WDR75: variants seen among roughly 807,000 people sequenced by gnomAD.
WDR75 encodes WD repeat domain 75.
WDR75 carries 52 observed loss-of-function variants against 106.1 expected under a neutral mutation model. The observed-to-expected ratio is 0.49, with a 90% CI of 0.39 to 0.62. WDR75 has a LOEUF of 0.62. Among genes scored for constraint, WDR75 ranks in the 20% least tolerant of loss-of-function variants. The pLI is 0.00. For synonymous variants in WDR75, 333 were observed against 335.5 expected (o/e 0.99, Z 0.08); for missense variants, 905 against 970.3 (o/e 0.93, Z 0.89).
At chr2:189,472,289 T>G (rs1687132978) in intron 18 of WDR75, among the ~76,000 whole-genome samples, 1 of 152,184 alleles carries the variant, frequency 6.6e-6, no homozygotes, top group South Asian at 2.1e-4. Context: ...AGCTTGTAAT[T>G]TTAAACAGGG....
At chr2:189,475,073 C>A (rs969266099) in intron 20 of WDR75, 140 bp from the exon 21 acceptor site, 4 of 724,350 alleles carry the variant, frequency 5.5e-6, no homozygotes, top group African/African-American at 3.6e-5. Context: ...TTATAAATAA[C>A]CCATAATTTT....
At position 189,466,420 on chromosome 2, in the gene WDR75, G is replaced by C; in HGVS notation, c.1290-5G>C. ...AGAATAAATTTGTGGTTTCCTTCCC[G>C]CTAGGTTTATTCTTAACACTAAAAT... On this transcript the variant is annotated splice_polypyrimidine_tract_variant and splice_region_variant and intron_variant, in intron 12 of 20. Coordinates refer to ENST00000314761, the MANE Select transcript of WDR75 (RefSeq NM_032168.3). 6.2e-7 allele frequency: 1 copy of C among 1,610,836 alleles called. No homozygotes were observed. Among genetic ancestry groups the C allele is most frequent in the Non-Finnish European group, 8.5e-7 (1 of 1,178,456 alleles).
At chr2:189,463,507 C>T (rs972975414) in intron 9 of WDR75, among the ~76,000 whole-genome samples, 187 bp from the exon 10 acceptor site, 1 of 152,004 alleles carries the variant, frequency 6.6e-6, no homozygotes, top group Non-Finnish European at 1.5e-5. Context: ...AAAGAATTGT[C>T]TTGGGCCAGA....
intron 1 of WDR75, among the ~76,000 whole-genome samples, chr2:189,446,422 G>C (rs577210080): frequency 6.6e-6 from 1 of 152,162 alleles, no homozygotes; most frequent in Non-Finnish European, 1.5e-5. Flanking sequence ...TGGAGAAGAG[G>C]CTCCAGCCAA....
rs1383696468 is a variant in WDR75, at chr2:189,450,980, G to A, written c.282+12G>A. The A allele has an allele frequency of 6.3e-7, 1 of 1,589,670 alleles. No homozygotes were observed. The highest frequency in any genetic ancestry group is 2.3e-5 in the East Asian group (1 of 43,768). On this transcript the variant is annotated intron_variant, in intron 3 of 20. Transcript: ENST00000314761. ...GCATCTTAATAAAGGTATGTGGATT[G>A]ATCTTTACTTTTCGTTATGTGAATA...
rs573640027 is a variant in WDR75, at chr2:189,451,881, A to G, written c.359A>G (p.Asn120Ser). 525 of 1,613,004 alleles carry G rather than the reference A, an allele frequency of 3.3e-4. 1 individual carries two copies. In the South Asian group the frequency reaches 5.5e-3, roughly 17 times the overall value. ...QAEDSVFVIV[N>S]KEKPDIFQLV... Reference sequence around the variant, plus strand: ...GAGGATTCTGTCTTTGTTATAGTGAATAAAGAAAAACCAGGTATGGTATAA... The same window carrying G: ...GAGGATTCTGTCTTTGTTATAGTGAGTAAAGAAAAACCAGGTATGGTATAA... Residue 120 changes from asparagine to serine, a missense_variant, in exon 4 of 21, where the codon AAT (asparagine) becomes AGT (serine). Transcript: ENST00000314761.
chr2:189,453,137 A>G (rs1686661181), intron 4 of WDR75, among the ~76,000 whole-genome samples: 1 of 152,234 alleles, frequency 6.6e-6, no homozygotes. Flanking sequence ...GTTCTTAAAA[A>G]TAATTAAGTC....
chr2:189,455,461 T>C lies in WDR75; in HGVS notation c.498+17T>C, dbSNP rs762818546. The C allele has an allele frequency of 6.2e-7, 1 of 1,600,762 alleles. No homozygotes were observed. The highest frequency in any genetic ancestry group is 2.2e-5 in the East Asian group (1 of 44,776). On this transcript the variant is annotated intron_variant, in intron 5 of 20. Coordinates refer to ENST00000314761, the MANE Select transcript of WDR75 (RefSeq NM_032168.3). ...GGAAACGAGGTAAATTTTGTTTTGT[T>C]CGTTTTCTGTTTTGTACCTAAAATT...
At chr2:189,444,627 G>A (rs1280864223) in intron 1 of WDR75, among the ~76,000 whole-genome samples, 1 of 152,102 alleles carries the variant, frequency 6.6e-6, no homozygotes, top group Non-Finnish European at 1.5e-5. Flanking sequence ...TATTGCTGCT[G>A]TAACAATTTT....
At chr2:189,449,990 G>A in intron 2 of WDR75, 1 of 985,302 alleles carries the variant, frequency 1.0e-6, no homozygotes, top group Non-Finnish European at 1.2e-6. Flanking sequence ...ATAAAACTAA[G>A]TACACTGGGA....
At position 189,463,694 on chromosome 2, in the gene WDR75, A is replaced by G; in HGVS notation, c.938A>G (p.Lys313Arg). ...DLFCTSHSDN[K>R]IIIIHRNLEA... ...AATACCTATTTTTTTCTACCCACAG[A>G]GATAATAATTATTCACCGAAACCTT... Residue 313 changes from lysine to arginine, a missense_variant and splice_region_variant, in exon 10 of 21, where the codon AAG becomes AGG. By Grantham distance (26) the Lys-to-Arg change is conservative. Transcript: ENST00000314761. The G allele has an allele frequency of 6.2e-7, 1 of 1,613,772 alleles. No homozygotes were observed. The highest frequency in any genetic ancestry group is 8.5e-7 in the Non-Finnish European group (1 of 1,179,738).
At position 189,448,519 on chromosome 2, in the gene WDR75, G is replaced by T. The variant is rs1314664957; in HGVS notation, c.216+11G>T. The T allele has an allele frequency of 6.2e-7, 1 of 1,611,582 alleles. No individual in the cohort carries two copies. Among genetic ancestry groups the T allele is most frequent in the Non-Finnish European group, 8.5e-7 (1 of 1,179,178 alleles). On this transcript the variant is annotated intron_variant, in intron 2 of 20. Coordinates refer to ENST00000314761, the MANE Select transcript of WDR75 (RefSeq NM_032168.3). ...AACAACCATCTACAGGTGTCAAACA[G>T]TTTATAGCTGAATACTTTAAGACTG... is the stretch of plus-strand genomic sequence containing the variant.
intron 17 of WDR75, 22 bp downstream of exon 17, chr2:189,470,267 G>A: frequency 3.1e-6 from 5 of 1,604,824 alleles, no homozygotes; most frequent in Non-Finnish European, 4.3e-6. Flanking sequence ...CCTCAAAAAA[G>A]GCGATCACTT....
At chr2:189,473,496 C>T (rs1243880255) in intron 18 of WDR75, among the ~76,000 whole-genome samples, 1 of 152,128 alleles carries the variant, frequency 6.6e-6, no homozygotes, top group Non-Finnish European at 1.5e-5. Context: ...TTTAGACCTA[C>T]CTGTCAGTGT....
At chr2:189,455,237 C>T (rs377155083) in intron 4 of WDR75, 83 bp from the exon 5 acceptor site, 49,777 of 1,406,672 alleles carry the variant, frequency 0.035, 1,207 homozygotes, top group African/African-American at 0.12. Flanking sequence ...CAAGACTTTG[C>T]CTCAAAAAAA....
intron 14 of WDR75, 45 bp downstream of exon 14, chr2:189,467,693 T>C (rs772014034): frequency 8.1e-6 from 12 of 1,483,146 alleles, no homozygotes; most frequent in Admixed American, 2.3e-5. Context: ...TTTTAACTTA[T>C]TTAAACAAGT....
intron 1 of WDR75, among the ~76,000 whole-genome samples, chr2:189,447,998 T>C (rs576179791): frequency 6.6e-6 from 1 of 152,312 alleles, no homozygotes; most frequent in Non-Finnish European, 1.5e-5. Context: ...TGGTAGTGAA[T>C]AAGTCTCACG....
At chr2:189,468,664 G>A in intron 15 of WDR75, 95 bp downstream of exon 15, 1 of 1,254,220 alleles carries the variant, frequency 8.0e-7, no homozygotes, top group Non-Finnish European at 1.2e-6. Flanking sequence ...ATATCATCAG[G>A]TCTGTACTTG....
chr2:189,457,924 CTTTTT>C (rs11395971), intron 6 of WDR75, among the ~76,000 whole-genome samples: 1 of 116,356 alleles, frequency 8.6e-6, no homozygotes, highest in African/African-American at 3.3e-5. Flanking sequence ...GCCAAGATTG[CTTTTT>C]TTTTTTTTTT....
Sources: gnomAD v4.1 joint callset for allele counts (sites outside exome capture counted in the v4.1 genomes callset) on GRCh38, gnomAD v4.1.1 for gene constraint, MANE v1.5 for transcripts, NCBI Gene and HGNC (gene_info 2026-07-23, HGNC 2026-07-21) for gene names.